The following SPPL3 variants were observed in gnomAD, a reference collection of about 807,000 sequenced individuals.
SPPL3 encodes signal peptide peptidase-like 3.
Under a neutral mutation model 42.4 loss-of-function variants are expected in SPPL3, and 5 were observed. That is an observed-to-expected ratio of 0.12 (90% confidence interval 0.06 to 0.25). SPPL3 has a LOEUF of 0.25. Among genes scored for constraint, SPPL3 ranks in the 10% least tolerant of loss-of-function variants. SPPL3 has a pLI of 1.00. For missense variants in SPPL3, 235 were observed against 489.0 expected, an observed-to-expected ratio of 0.48 and a Z score of 4.90; for synonymous variants, 195 against 181.8, an observed-to-expected ratio of 1.07 and a Z score of -0.58.
intron 1 of SPPL3, among the ~76,000 whole-genome samples, chr12:120,862,414 G>A (rs955965797): frequency 1.3e-5 from 2 of 152,258 alleles, no homozygotes; most frequent in East Asian, 3.9e-4. Flanking sequence ...TATTTCAGGT[G>A]CCGGTATCAA....
intron 1 of SPPL3, among the ~76,000 whole-genome samples, chr12:120,853,435 C>G (rs766706489): frequency 6.6e-6 from 1 of 152,102 alleles, no homozygotes; most frequent in East Asian, 1.9e-4. Context: ...TGACACCAAA[C>G]GTAAAATTTT....
At chr12:120,839,156 C>CA (rs1871720437) in intron 1 of SPPL3, among the ~76,000 whole-genome samples, 1 of 151,502 alleles carries the variant, frequency 6.6e-6, no homozygotes, top group Non-Finnish European at 1.5e-5. Context: ...GGCACATATA[C>CA]ACCATGGAAT....
chr12:120,831,124 A>G (rs10849797), intron 1 of SPPL3, among the ~76,000 whole-genome samples: 5,376 of 152,088 alleles, frequency 0.035, 110 homozygotes, highest in South Asian at 0.066. Context: ...GTCCTTAGAC[A>G]TTCCCACTCT....
At chr12:120,845,274 C>A in intron 1 of SPPL3, 1 of 370,378 alleles carries the variant, frequency 2.7e-6, no homozygotes, top group Non-Finnish European at 5.5e-6. Context: ...AGAGGTCCTG[C>A]TTGTTGGCAA....
intron 1 of SPPL3, among the ~76,000 whole-genome samples, chr12:120,862,226 A>C (rs1033883988): frequency 2.0e-5 from 3 of 152,202 alleles, no homozygotes; most frequent in African/African-American, 7.2e-5. Context: ...TAAATTACAC[A>C]TATTTCTATG....
In SPPL3 at chr12:120,881,527, T is replaced by C. The variant is rs191038527; in HGVS notation, c.23+22318A>G. ...AAAAAAATTAAATGTTGAATTGCCA[T>C]ACGAGATTGAGCAATCCCACTTCTA... On this transcript the variant is annotated intron_variant, in intron 1 of 10. Transcript: ENST00000353487. Among the ~76,000 whole-genome samples the C allele has an allele frequency of 2.2e-5, 3 of 138,460 alleles. No individual in the cohort carries two copies. In the East Asian group the frequency reaches 6.3e-4, roughly 29 times the overall value. The allele number at this position is 138,460 out of a possible 152,430, so 90.8% of individuals were successfully genotyped here.
At chr12:120,845,171 T>G in intron 1 of SPPL3, 1 of 465,606 alleles carries the variant, frequency 2.1e-6, no homozygotes, top group Non-Finnish European at 4.3e-6. Flanking sequence ...CCGTCGCCAC[T>G]GGTGGCACAG....
In SPPL3 at chr12:120,810,940, G is replaced by T. The variant is rs555220071; in HGVS notation, c.24-54C>A. ...ATCACATGCAGTGAGTCCTAATGGAGCTTACAGTCTAATGGAGTTCTATAA... is the reference window on the plus strand; with the variant it reads ...ATCACATGCAGTGAGTCCTAATGGATCTTACAGTCTAATGGAGTTCTATAA... On this transcript the variant is annotated intron_variant, in intron 1 of 10. Transcript: ENST00000353487. The T allele has an allele frequency of 1.0e-4, 133 of 1,332,236 alleles. No individual in the cohort carries two copies. The Admixed American group carries it at 2.2e-3, about 22-fold the overall frequency. 82.5% of individuals were successfully genotyped at this position (1,332,236 alleles called of 1,614,324 possible).
chr12:120,844,871 A>G (rs1435610685), intron 1 of SPPL3, among the ~76,000 whole-genome samples: 2 of 151,756 alleles, frequency 1.3e-5, no homozygotes, highest in Admixed American at 6.6e-5. Context: ...TTACAATTAA[A>G]AAAAAAAAAA....
At chr12:120,796,171 T>C (rs1870090355) in intron 2 of SPPL3, among the ~76,000 whole-genome samples, 1 of 151,648 alleles carries the variant, frequency 6.6e-6, no homozygotes, top group Admixed American at 6.6e-5. Flanking sequence ...ACGACAGGAG[T>C]TTGAAACCAG....
Position 120,764,972 on chromosome 12 carries a change from C to G in SPPL3, c.*27G>C. 1 of 1,610,806 alleles carries G rather than the reference C, an allele frequency of 6.2e-7. No homozygotes were observed. Among genetic ancestry groups the G allele is most frequent in the East Asian group, 2.2e-5 (1 of 44,826 alleles). On this transcript the variant is annotated 3_prime_UTR_variant, in exon 11 of 11. Coordinates refer to ENST00000353487, the MANE Select transcript of SPPL3 (RefSeq NM_139015.5). Reference sequence around the variant, plus strand: ...AGTTGAGAGAAAAGGACTATGACGGCCATCTGGTCACTTTCCACGTGATCC... The same window carrying G: ...AGTTGAGAGAAAAGGACTATGACGGGCATCTGGTCACTTTCCACGTGATCC...
At chr12:120,824,353 GCAAAAAAGA>G (rs922113477) in intron 1 of SPPL3, among the ~76,000 whole-genome samples, 4 of 151,802 alleles carry the variant, frequency 2.6e-5, no homozygotes, top group African/African-American at 4.8e-5. Flanking sequence ...GGAAACGTTA[GCAAAAAAGA>G]CAAAAAAGTG....
chr12:120,767,175 G>A (rs1868944172), intron 9 of SPPL3, among the ~76,000 whole-genome samples: 1 of 152,208 alleles, frequency 6.6e-6, no homozygotes, highest in South Asian at 2.1e-4. Context: ...GGACTGACCT[G>A]CTTTTCCTAC....
intron 2 of SPPL3, among the ~76,000 whole-genome samples, chr12:120,803,046 T>A (rs1185738790): frequency 1.3e-5 from 2 of 152,222 alleles, no homozygotes; most frequent in Non-Finnish European, 2.9e-5. Flanking sequence ...TGAAGGTCGT[T>A]AGGATAAAAG....
At chr12:120,806,327 C>T (rs73229126) in intron 2 of SPPL3, among the ~76,000 whole-genome samples, 6,315 of 151,552 alleles carry the variant, frequency 0.042, 182 homozygotes, top group South Asian at 0.11. Context: ...GCTCGCGAGT[C>T]GCTGGGATTA....
intron 6 of SPPL3, among the ~76,000 whole-genome samples, chr12:120,777,716 C>G (rs1013113943): frequency 6.6e-6 from 1 of 152,238 alleles, no homozygotes; most frequent in African/African-American, 2.4e-5. Flanking sequence ...CTAATTAATA[C>G]TTGATTTGGG....
At chr12:120,876,289 A>C (rs1434851655) in intron 1 of SPPL3, among the ~76,000 whole-genome samples, 1 of 152,144 alleles carries the variant, frequency 6.6e-6, no homozygotes, top group Non-Finnish European at 1.5e-5. Context: ...TCATGGGTCA[A>C]AGGAAATAAT....
chr12:120,842,990 T>C lies in SPPL3; in HGVS notation c.24-32104A>G, dbSNP rs1222154533. Among the ~76,000 whole-genome samples, 3 of 152,170 alleles carry C rather than the reference T, an allele frequency of 2.0e-5. No homozygotes were observed. In the East Asian group the frequency reaches 5.8e-4, roughly 29 times the overall value. On this transcript the variant is annotated intron_variant, in intron 1 of 10. Coordinates refer to ENST00000353487, the MANE Select transcript of SPPL3 (RefSeq NM_139015.5). ...TACAAAACAACTTCAACTATACATT[T>C]TGCACTATTTCTAGGTTGAAATGTA...
chr12:120,885,296 GTTCT>G (rs1373794885), intron 1 of SPPL3, among the ~76,000 whole-genome samples: 6 of 152,314 alleles, frequency 3.9e-5, no homozygotes, highest in Admixed American at 1.3e-4. Context: ...CACTTACGGT[GTTCT>G]TTAATTCCAT....
Sources: allele counts gnomAD v4.1 joint callset (sites outside exome capture counted in the v4.1 genomes callset), GRCh38; gene constraint gnomAD v4.1.1; transcripts MANE v1.5; gene names NCBI Gene and HGNC (gene_info 2026-07-23, HGNC 2026-07-21).